ARHGEF4: variants seen among roughly 807,000 people sequenced by gnomAD.
ARHGEF4 encodes the protein Rho guanine nucleotide exchange factor 4.
Under a neutral mutation model 162.0 loss-of-function variants are expected in ARHGEF4, and 119 were observed. The observed-to-expected ratio is 0.73, with a 90% CI of 0.63 to 0.86. ARHGEF4 has a LOEUF of 0.86. Among genes scored for constraint, ARHGEF4 ranks in the 40% least tolerant of loss-of-function variants. The pLI is 0.00. For synonymous variants in ARHGEF4, 1,014 were observed against 979.9 expected (o/e 1.03, Z -0.65); for missense variants, 2,488 against 2,456.0 (o/e 1.01, Z -0.28).
At chr2:130,945,677 C>G (rs1201789448) in intron 3 of ARHGEF4, among the ~76,000 whole-genome samples, 1 of 152,186 alleles carries the variant, frequency 6.6e-6, no homozygotes, top group East Asian at 1.9e-4. Context: ...ATCAGTGTTA[C>G]TTCGAATTCT....
chr2:130,914,654 A>T lies in ARHGEF4; in HGVS notation c.708A>T (p.Glu236Asp). ...GGCCCTTCCTTCTCTGGTGCTGTGA[A>T]CTGGGTCGGAGTTGGCCACATATCC... ...VVWPFLLWCC[E>D]LGRSWPHIHN... Residue 236 changes from glutamate (E) to aspartate (D), a missense_variant, in exon 2 of 14, where the codon GAA (glutamate) becomes GAT (aspartate). This residue lies in a region of ARHGEF4 where 1,642 missense variants were observed against 1,481.5 expected (regional missense o/e 1.11). Transcript: ENST00000409359. The T allele has an allele frequency of 7.2e-7, 1 of 1,387,088 alleles. No homozygotes were observed. The highest frequency in any genetic ancestry group is 9.3e-7 in the Non-Finnish European group (1 of 1,077,238). 85.9% of individuals were successfully genotyped at this position (1,387,088 alleles called of 1,614,324 possible).
At chr2:130,906,421 T>C (rs1680815202) in intron 1 of ARHGEF4, among the ~76,000 whole-genome samples, 2 of 152,234 alleles carry the variant, frequency 1.3e-5, no homozygotes, top group Non-Finnish European at 2.9e-5. Context: ...TGTGCATGGA[T>C]TAGTATACAA....
chr2:130,855,789 T>C (rs2104897875), intron 1 of ARHGEF4, among the ~76,000 whole-genome samples: 1 of 152,322 alleles, frequency 6.6e-6, no homozygotes. Flanking sequence ...TAAGTCGTTA[T>C]TGCTTACTTC....
chr2:130,931,866 A>G (rs1276985279), intron 3 of ARHGEF4, among the ~76,000 whole-genome samples: 1 of 152,228 alleles, frequency 6.6e-6, no homozygotes, highest in Non-Finnish European at 1.5e-5. Flanking sequence ...TTTGTGAAGT[A>G]CACATCTCTG....
chr2:130,921,479 A>G (rs1250594408), intron 2 of ARHGEF4, among the ~76,000 whole-genome samples: 1 of 152,146 alleles, frequency 6.6e-6, no homozygotes. Flanking sequence ...GGGGATGCAT[A>G]TCTTTAGTCA....
chr2:130,956,742 CTCACTCATAGATGGAAA>C (rs1684300778), intron 4 of ARHGEF4, among the ~76,000 whole-genome samples: 1 of 148,696 alleles, frequency 6.7e-6, no homozygotes, highest in Admixed American at 6.9e-5. Flanking sequence ...ACACCACGTT[CTCACTCATAGATGGAAA>C]TTGAACAATG....
chr2:130,926,306 G>A (rs978478044), intron 2 of ARHGEF4, among the ~76,000 whole-genome samples: 3 of 151,878 alleles, frequency 2.0e-5, no homozygotes, highest in Admixed American at 1.3e-4. Context: ...TTTGTTTCAT[G>A]AGTATTTGTA....
intron 4 of ARHGEF4, among the ~76,000 whole-genome samples, chr2:130,992,365 C>T (rs552130759): frequency 1.2e-4 from 18 of 152,188 alleles, no homozygotes; most frequent in African/African-American, 4.1e-4. Flanking sequence ...TCTTTGGGTC[C>T]ATGCTGCTTT....
intron 4 of ARHGEF4, among the ~76,000 whole-genome samples, chr2:131,002,633 C>A (rs1687851152): frequency 1.4e-5 from 2 of 146,542 alleles, no homozygotes; most frequent in Admixed American, 1.4e-4. Flanking sequence ...TGTCGTGAAC[C>A]CGGGAGGCGG....
At chr2:130,890,118 T>C (rs1421945362) in intron 1 of ARHGEF4, among the ~76,000 whole-genome samples, 2 of 152,236 alleles carry the variant, frequency 1.3e-5, no homozygotes, top group African/African-American at 2.4e-5. Flanking sequence ...CTTAAAAATA[T>C]ATGAATGTCT....
Position 130,842,872 on chromosome 2 carries a change from G to A in ARHGEF4, c.39+5880G>A, listed in dbSNP as rs180919362. 1.0e-3 allele frequency among the ~76,000 whole-genome samples: 156 copies of A among 152,264 alleles called. 2 individuals are homozygous for A. The highest frequency in any genetic ancestry group is 3.5e-3 in the African/African-American group (144 of 41,536). On this transcript the variant is annotated intron_variant, in intron 1 of 13. Coordinates refer to ENST00000409359, the MANE Select transcript of ARHGEF4 (RefSeq NM_001367493.1). Reference sequence around the variant, plus strand: ...TAAGTGAAAAAAGAGTGACGTCTTGGCAGGTTGGGGGTAGCTCATTGGCCC... The same window carrying A: ...TAAGTGAAAAAAGAGTGACGTCTTGACAGGTTGGGGGTAGCTCATTGGCCC...
intron 4 of ARHGEF4, among the ~76,000 whole-genome samples, chr2:131,003,246 G>A (rs547737641): frequency 1.2e-4 from 19 of 152,242 alleles, no homozygotes; most frequent in African/African-American, 4.1e-4. Flanking sequence ...AGGTCATGCC[G>A]TAAGACACAC....
intron 1 of ARHGEF4, among the ~76,000 whole-genome samples, chr2:130,856,274 G>T (rs1681778686): frequency 6.6e-6 from 1 of 152,270 alleles, no homozygotes; most frequent in Non-Finnish European, 1.5e-5. Context: ...AAGAATCCAT[G>T]AACTTAATGA....
In ARHGEF4 at chr2:131,041,370, C is replaced by T; in HGVS notation, c.4803C>T (p.Ser1601=). The part of the protein sequence containing the change: ...CRLLQKMIDI[S]LDGFLLTPVQ... ...TGCTGCAGAAGATGATTGACATCTC[C>T]CTGGATGGCTTCCTGCTGACTCCGG... The change falls in exon 9 of 14, where the codon TCC becomes TCT. Residue 1601 remains serine (S), a synonymous_variant. Coordinates refer to ENST00000409359, the MANE Select transcript of ARHGEF4 (RefSeq NM_001367493.1). 6.2e-7 allele frequency: 1 copy of T among 1,613,552 alleles called. No homozygotes were observed.
chr2:130,998,046 A>G (rs1344327402), intron 4 of ARHGEF4, among the ~76,000 whole-genome samples: 3 of 152,184 alleles, frequency 2.0e-5, no homozygotes, highest in African/African-American at 7.2e-5. Flanking sequence ...CTGGAGTCAC[A>G]GCTTGCCTCT....
Position 130,903,686 on chromosome 2 carries a change from C to T in ARHGEF4, c.40-10300C>T, listed in dbSNP as rs544728170. 2.6e-5 allele frequency among the ~76,000 whole-genome samples: 4 copies of T among 152,312 alleles called. 1 individual carries two copies. In the Middle Eastern group the frequency reaches 0.014, roughly 518 times the overall value. Reference sequence around the variant, plus strand: ...GGTACCCAATAGGTAGTTTTCAACCCTTGCTCCTCTCCCCCAAATGTTTAT... The same window carrying T: ...GGTACCCAATAGGTAGTTTTCAACCTTTGCTCCTCTCCCCCAAATGTTTAT... On this transcript the variant is annotated intron_variant, in intron 1 of 13. Coordinates refer to ENST00000409359, the MANE Select transcript of ARHGEF4 (RefSeq NM_001367493.1).
In ARHGEF4 at chr2:130,916,220, T is replaced by C; in HGVS notation, c.2274T>C (p.Gly758=). 1 of 1,543,264 alleles carries C rather than the reference T, an allele frequency of 6.5e-7. No individual in the cohort carries two copies. The highest frequency in any genetic ancestry group is 1.4e-5 in the African/African-American group (1 of 72,604). Residue 758 remains glycine (G), a synonymous_variant, in exon 2 of 14, where the codon GGT becomes GGC. Transcript: ENST00000409359. ...GCCCGGAGGAGGCCCCCGAAGGCGGTGCTGCAGCAGCCCGGGGCCAGCGCC... is the reference window on the plus strand; with the variant it reads ...GCCCGGAGGAGGCCCCCGAAGGCGGCGCTGCAGCAGCCCGGGGCCAGCGCC... The part of the protein sequence containing the change: ...ERGPEEAPEG[G]AAAARGQRPR...
chr2:130,856,288 G>T (rs557190784), intron 1 of ARHGEF4, among the ~76,000 whole-genome samples: 1 of 152,312 alleles, frequency 6.6e-6, no homozygotes, highest in South Asian at 2.1e-4. Flanking sequence ...TTAATGAATA[G>T]AGATTATGTA....
intron 4 of ARHGEF4, among the ~76,000 whole-genome samples, chr2:130,964,721 G>C (rs1382346462): frequency 6.6e-6 from 1 of 152,238 alleles, no homozygotes; most frequent in African/African-American, 2.4e-5. Flanking sequence ...CTGTGAGTGC[G>C]CTTGGTCCTG....
Sources: gnomAD v4.1 joint callset for allele counts (sites outside exome capture counted in the v4.1 genomes callset) on GRCh38, gnomAD v4.1.1 for gene constraint, gnomAD v4.1.1 regional missense constraint, MANE v1.5 for transcripts, NCBI Gene and HGNC (gene_info 2026-07-23, HGNC 2026-07-21) for gene names.